Variants in SLC12A8 observed in about 807,000 individuals in gnomAD.
SLC12A8 encodes cation-chloride cotransporter 9.
In SLC12A8, 69 loss-of-function variants were observed where a neutral mutation model predicts 75.6. The observed-to-expected ratio is 0.91, with a 90% CI of 0.75 to 1.11. The LOEUF (loss-of-function observed/expected upper bound fraction) is 1.11, where lower values mean the gene tolerates loss of function less well. Among genes scored for constraint, SLC12A8 ranks in the 50% most tolerant of loss-of-function variants. The pLI is 0.00. For missense variants in SLC12A8, 877 were observed against 896.7 expected (o/e 0.98, Z 0.28); for synonymous variants, 365 against 372.8 (o/e 0.98, Z 0.24).
At chr3:125,133,718 G>A (rs11929067) in intron 6 of SLC12A8, among the ~76,000 whole-genome samples, 37,702 of 152,050 alleles carry the variant, frequency 0.25, 4,981 homozygotes, top group Non-Finnish European at 0.28. Context: ...GAGCCACTGC[G>A]CCCGGCCAAA....
chr3:125,127,559 GTACAAAATTATGAA>G (rs1300254706), intron 6 of SLC12A8, among the ~76,000 whole-genome samples: 8 of 152,186 alleles, frequency 5.3e-5, no homozygotes, highest in African/African-American at 1.7e-4. Flanking sequence ...TTTTTTGAAA[GTACAAAATTATGAA>G]TATAAAATTA....
chr3:125,208,606 T>C (rs965121043), intron 2 of SLC12A8, among the ~76,000 whole-genome samples: 2 of 151,968 alleles, frequency 1.3e-5, no homozygotes, highest in Non-Finnish European at 2.9e-5. Flanking sequence ...GGAGGCTTAG[T>C]GAGGTTACGA....
At chr3:125,086,282 C>T (rs1938460063) in intron 13 of SLC12A8, among the ~76,000 whole-genome samples, 1 of 152,208 alleles carries the variant, frequency 6.6e-6, no homozygotes, top group Non-Finnish European at 1.5e-5. Context: ...GAGGCCTCTG[C>T]TCCCCACCTC....
At chr3:125,182,772 C>G (rs1177936976) in intron 4 of SLC12A8, among the ~76,000 whole-genome samples, 1 of 152,168 alleles carries the variant, frequency 6.6e-6, no homozygotes. Flanking sequence ...TCCCAAAGTT[C>G]TGGGATTACA....
chr3:125,182,067 A>G (rs556569198), intron 4 of SLC12A8, among the ~76,000 whole-genome samples: 1 of 152,278 alleles, frequency 6.6e-6, no homozygotes, highest in African/African-American at 2.4e-5. Context: ...GTTTACGCCT[A>G]TAATCCCAGC....
chr3:125,141,769 C>G (rs1933645551), intron 5 of SLC12A8, among the ~76,000 whole-genome samples: 2 of 152,106 alleles, frequency 1.3e-5, no homozygotes, highest in South Asian at 2.1e-4. Flanking sequence ...GACCAGCGAC[C>G]GACGACCAGC....
At chr3:125,150,750 C>T (rs990559283) in intron 5 of SLC12A8, among the ~76,000 whole-genome samples, 21 of 152,052 alleles carry the variant, frequency 1.4e-4, no homozygotes, top group African/African-American at 4.8e-4. Context: ...ACAAGGGCAC[C>T]GCAAGACGAG....
intron 5 of SLC12A8, among the ~76,000 whole-genome samples, chr3:125,136,641 C>CT (rs903314527): frequency 1.3e-5 from 2 of 152,194 alleles, no homozygotes; most frequent in African/African-American, 4.8e-5. Context: ...ATCTCTCAGC[C>CT]TATGGACACA....
intron 11 of SLC12A8, among the ~76,000 whole-genome samples, chr3:125,091,867 A>G (rs995603170): frequency 6.6e-6 from 1 of 152,278 alleles, no homozygotes; most frequent in Non-Finnish European, 1.5e-5. Flanking sequence ...CTTAAAATTT[A>G]GTAACCCAGA....
intron 2 of SLC12A8, among the ~76,000 whole-genome samples, chr3:125,202,047 A>G (rs975156616): frequency 1.3e-5 from 2 of 152,096 alleles, no homozygotes; most frequent in African/African-American, 4.8e-5. Flanking sequence ...AGCTGGGATT[A>G]CAGGCACCTG....
intron 4 of SLC12A8, among the ~76,000 whole-genome samples, chr3:125,183,963 T>C (rs7623578): frequency 0.026 from 3,855 of 146,238 alleles, 169 homozygotes; most frequent in African/African-American, 0.095. Flanking sequence ...TTTGTTTTAC[T>C]TTTTATTATT....
chr3:125,196,069 T>C (rs1488638370), intron 2 of SLC12A8, among the ~76,000 whole-genome samples: 1 of 152,236 alleles, frequency 6.6e-6, no homozygotes, highest in East Asian at 1.9e-4. Flanking sequence ...CACTATTCTA[T>C]CCATTTAAGA....
At chr3:125,188,330 G>A (rs139450245) in intron 3 of SLC12A8, among the ~76,000 whole-genome samples, 3,388 of 152,284 alleles carry the variant, frequency 0.022, 143 homozygotes, top group African/African-American at 0.077. Flanking sequence ...TGTACAGCCT[G>A]CAGAACTGTG....
At chr3:125,151,047 G>GT (rs1323833102) in intron 5 of SLC12A8, 1 of 152,154 alleles carries the variant, frequency 6.6e-6, no homozygotes, top group African/African-American at 2.4e-5. Flanking sequence ...GGCACTTCAA[G>GT]CCCAAGGGTA....
intron 5 of SLC12A8, among the ~76,000 whole-genome samples, chr3:125,172,270 TTC>T (rs1934418616): frequency 6.4e-5 from 2 of 31,416 alleles, no homozygotes; most frequent in African/African-American, 9.0e-5. Context: ...ACAAAACTCC[TTC>T]TTAAAAAAAA....
At chr3:125,165,278 G>A (rs1315247680) in intron 5 of SLC12A8, among the ~76,000 whole-genome samples, 1 of 152,246 alleles carries the variant, frequency 6.6e-6, no homozygotes, top group Non-Finnish European at 1.5e-5. Context: ...TCTGTGGGCA[G>A]TGAGGAAGGG....
chr3:125,119,348 A>G (rs1207900404), intron 7 of SLC12A8: 1 of 156,770 alleles, frequency 6.4e-6, no homozygotes, highest in Non-Finnish European at 1.4e-5. Flanking sequence ...CAGCAAAAGA[A>G]CAAGCTGATG....
chr3:125,085,773 T>C (rs1194194097), intron 13 of SLC12A8, among the ~76,000 whole-genome samples: 2 of 152,090 alleles, frequency 1.3e-5, no homozygotes, highest in East Asian at 3.9e-4. Context: ...GATGGTGTTT[T>C]GCCATGTTGC....
chr3:125,205,812 C>T (rs980441328), intron 2 of SLC12A8, among the ~76,000 whole-genome samples: 5 of 152,160 alleles, frequency 3.3e-5, no homozygotes, highest in African/African-American at 1.2e-4. Context: ...ATCCTTTTTA[C>T]TAGAGAGTCC....
Sources: gnomAD v4.1 joint callset for allele counts (sites outside exome capture counted in the v4.1 genomes callset) on GRCh38, gnomAD v4.1.1 for gene constraint, MANE v1.5 for transcripts, NCBI Gene and HGNC (gene_info 2026-07-23, HGNC 2026-07-21) for gene names.